EPHA7: variants seen among roughly 807,000 people sequenced by gnomAD.
The protein encoded by EPHA7 is EPH receptor A7, also known as ephrin type-A receptor 7.
A neutral mutation model predicts 112.6 loss-of-function variants in EPHA7; 25 were observed. The observed-to-expected ratio is 0.22, with a 90% CI of 0.16 to 0.31. The LOEUF is 0.31. Among genes scored for constraint, EPHA7 ranks in the 10% least tolerant of loss-of-function variants. The pLI, the probability that EPHA7 is intolerant of heterozygous loss-of-function variation, is 1.00. For synonymous variants in EPHA7, 437 were observed against 406.5 expected (o/e 1.07, Z -0.90); for missense variants, 962 against 1,212.6 (o/e 0.79, Z 3.07).
chr6:93,306,103 A>G (rs1171717228), intron 5 of EPHA7, among the ~76,000 whole-genome samples: 1 of 152,046 alleles, frequency 6.6e-6, no homozygotes, highest in Non-Finnish European at 1.5e-5. Context: ...AAATTAGTCC[A>G]AACATGTCTC....
At chr6:93,273,262 T>G (rs1771316186) in intron 5 of EPHA7, among the ~76,000 whole-genome samples, 1 of 151,988 alleles carries the variant, frequency 6.6e-6, no homozygotes, top group Non-Finnish European at 1.5e-5. Flanking sequence ...ATTAACTAGT[T>G]GTCTACTCTG....
At chr6:93,308,850 A>G (rs1773388620) in intron 5 of EPHA7, among the ~76,000 whole-genome samples, 1 of 152,232 alleles carries the variant, frequency 6.6e-6, no homozygotes, top group East Asian at 2.0e-4. Context: ...ACCTCTGCAC[A>G]TAGGTGTTAA....
At chr6:93,282,637 G>A (rs917500264) in intron 5 of EPHA7, among the ~76,000 whole-genome samples, 2 of 152,150 alleles carry the variant, frequency 1.3e-5, no homozygotes, top group Non-Finnish European at 2.9e-5. Flanking sequence ...AGCTTGCGGG[G>A]AGGTGTGGAG....
chr6:93,351,428 A>G (rs9452296), intron 5 of EPHA7, among the ~76,000 whole-genome samples: 11 of 152,056 alleles, frequency 7.2e-5, no homozygotes, highest in Admixed American at 2.0e-4. Flanking sequence ...GGGGAGCCCA[A>G]CTTGAGAAAC....
intron 3 of EPHA7, among the ~76,000 whole-genome samples, chr6:93,377,480 T>C (rs1777118291): frequency 2.0e-5 from 3 of 151,906 alleles, no homozygotes; most frequent in Non-Finnish European, 4.4e-5. Context: ...TCTTCAAAGT[T>C]CCCTAGATGA....
chr6:93,259,824 T>A (rs1026590106), intron 9 of EPHA7, among the ~76,000 whole-genome samples: 3 of 152,038 alleles, frequency 2.0e-5, no homozygotes, highest in African/African-American at 7.2e-5. Context: ...AGGTTTGTAA[T>A]GGACTTGGAA....
In EPHA7 at chr6:93,241,541, C is replaced by G. The variant is rs1582374276; in HGVS notation, c.*1885G>C. On this transcript the variant is annotated 3_prime_UTR_variant, in exon 17 of 17. Transcript: ENST00000369303. ...ATTACTTTTCCTTAGGGACAAAAAA[C>G]ATTTTAGTGAAATTAAAATGATTTT... is the stretch of plus-strand genomic sequence containing the variant. 4.7e-6 allele frequency: 1 copy of G among 211,386 alleles called. No individual in the cohort carries two copies. The allele number at this position is 211,386 out of a possible 1,614,324, so 13.1% of individuals were successfully genotyped here.
intron 3 of EPHA7, among the ~76,000 whole-genome samples, chr6:93,367,195 T>G (rs879433099): frequency 6.6e-6 from 1 of 152,164 alleles, no homozygotes; most frequent in Non-Finnish European, 1.5e-5. Context: ...TGAGGACATG[T>G]CTTTATGAAC....
At position 93,263,900 on chromosome 6, in the gene EPHA7, G is replaced by C. The variant is rs1036447486; in HGVS notation, c.1758C>G (p.Ser586Arg). ...FIIGRRHCGY[S>R]KADQEGDEEL... is the part of the protein sequence containing the mutation. ...CTTCATCGCCTTCTTGGTCAGCTTT[G>C]CTATAACCACAGTGCCTTGAAGAAA... Residue 586 changes from serine (S) to arginine (R), a missense_variant, in exon 9 of 17, where the codon AGC becomes AGG. Ser to Arg is a moderately radical substitution (Grantham distance 110, BLOSUM62 -1). Coordinates refer to ENST00000369303, the MANE Select transcript of EPHA7 (RefSeq NM_004440.4). The C allele has an allele frequency of 4.3e-6, 7 of 1,609,218 alleles. No individual in the cohort carries two copies. The highest frequency in any genetic ancestry group is 1.7e-5 in the Admixed American group (1 of 59,714).
rs1054280906 is a variant in EPHA7 at position 93,242,449 on chromosome 6, C to T, written c.*977G>A. 2 of 194,458 alleles carry T rather than the reference C, an allele frequency of 1.0e-5. No homozygotes were observed. Among genetic ancestry groups the T allele is most frequent in the Admixed American group, 6.1e-5 (1 of 16,400 alleles). The allele number at this position is 194,458 out of a possible 1,614,324, so 12.0% of individuals were successfully genotyped here. Reference sequence around the variant, plus strand: ...ATGTCAACTATTTATCCTAAATTTCCTAATGTCACGAGAATGAAAAAATCT... The same window carrying T: ...ATGTCAACTATTTATCCTAAATTTCTTAATGTCACGAGAATGAAAAAATCT... On this transcript the variant is annotated 3_prime_UTR_variant, in exon 17 of 17. Coordinates refer to ENST00000369303, the MANE Select transcript of EPHA7 (RefSeq NM_004440.4).
chr6:93,320,399 C>T (rs1271909182), intron 5 of EPHA7, among the ~76,000 whole-genome samples: 1 of 151,958 alleles, frequency 6.6e-6, no homozygotes, highest in African/African-American at 2.4e-5. Context: ...TTAAAATTAA[C>T]ATTACATTAC....
intron 5 of EPHA7, among the ~76,000 whole-genome samples, chr6:93,354,589 A>G (rs1408866610): frequency 2.0e-5 from 3 of 150,062 alleles, no homozygotes. Flanking sequence ...AATCATCACA[A>G]TATATTTATT....
intron 5 of EPHA7, among the ~76,000 whole-genome samples, chr6:93,306,759 G>T (rs1211975071): frequency 2.6e-5 from 4 of 151,846 alleles, no homozygotes; most frequent in African/African-American, 9.7e-5. Flanking sequence ...ACTTTCCAAA[G>T]CATTAGACAA....
intron 5 of EPHA7, among the ~76,000 whole-genome samples, chr6:93,311,639 T>C (rs1485045057): frequency 2.0e-5 from 3 of 152,084 alleles, no homozygotes; most frequent in African/African-American, 7.2e-5. Context: ...TTCTCCTAAC[T>C]CCTATTGATG....
rs1769640377 is a variant in EPHA7 at position 93,240,403 on chromosome 6, G to C, written c.*3023C>G. On this transcript the variant is annotated 3_prime_UTR_variant, in exon 17 of 17. Transcript: ENST00000369303. ...CCATTTTAATTGTCTTAAAAACACG[G>C]ATAAGAAGAGCAATTAAAATATAGT... 4.5e-6 allele frequency: 1 copy of C among 220,006 alleles called. No homozygotes were observed. Among genetic ancestry groups the C allele is most frequent in the African/African-American group, 2.2e-5 (1 of 44,646 alleles). The allele number at this position is 220,006 out of a possible 1,614,324, so 13.6% of individuals were successfully genotyped here.
At chr6:93,351,224 G>A (rs1015301832) in intron 5 of EPHA7, among the ~76,000 whole-genome samples, 1 of 151,984 alleles carries the variant, frequency 6.6e-6, no homozygotes, top group African/African-American at 2.4e-5. Flanking sequence ...CTGTCACCTA[G>A]GGACAACCTG....
chr6:93,339,558 T>A (rs1312234860), intron 5 of EPHA7, among the ~76,000 whole-genome samples: 1 of 151,804 alleles, frequency 6.6e-6, no homozygotes, highest in African/African-American at 2.4e-5. Flanking sequence ...TTGCATTACT[T>A]GCCCAAGGTC....
At chr6:93,409,785 C>G (rs1778886870) in intron 3 of EPHA7, 1 of 148,584 alleles carries the variant, frequency 6.7e-6, no homozygotes, top group Admixed American at 6.8e-5. Flanking sequence ...TTTTATAAAA[C>G]AAAGAAAAAA....
intron 9 of EPHA7, among the ~76,000 whole-genome samples, chr6:93,263,137 A>T (rs1481334924): frequency 1.3e-5 from 2 of 151,364 alleles, no homozygotes; most frequent in East Asian, 3.9e-4. Context: ...ATCAACTATC[A>T]TAACTGAAGT....
Sources: gnomAD v4.1 joint callset for allele counts (sites outside exome capture counted in the v4.1 genomes callset) on GRCh38, gnomAD v4.1.1 for gene constraint, MANE v1.5 for transcripts, NCBI Gene and HGNC (gene_info 2026-07-23, HGNC 2026-07-21) for gene names.